The following CHST11 variants were observed in gnomAD, a reference collection of about 807,000 sequenced individuals.
The protein encoded by CHST11 is C4S-1.
CHST11 carries 9 observed loss-of-function variants against 30.4 expected under a neutral mutation model. The observed-to-expected ratio is 0.30, with a 90% CI of 0.18 to 0.52. The LOEUF (loss-of-function observed/expected upper bound fraction) is 0.52. CHST11 is among the 20% of genes least tolerant of loss of function. CHST11 has a pLI of 0.97. For synonymous variants in CHST11, 152 were observed against 187.8 expected (o/e 0.81, Z 1.56); for missense variants, 348 against 460.6 (o/e 0.76, Z 2.24).
At chr12:104,562,017 T>C (rs1462125606) in intron 1 of CHST11, among the ~76,000 whole-genome samples, 1 of 152,150 alleles carries the variant, frequency 6.6e-6, no homozygotes, top group East Asian at 1.9e-4. Context: ...TAGCTCCTAC[T>C]GCCCAGTCTC....
At chr12:104,667,642 C>CTG (rs1044994623) in intron 2 of CHST11, among the ~76,000 whole-genome samples, 2 of 152,174 alleles carry the variant, frequency 1.3e-5, no homozygotes, top group African/African-American at 4.8e-5. Flanking sequence ...ACTCTGCTTT[C>CTG]TGCTCATTTC....
chr12:104,751,826 A>C (rs1293216380), intron 2 of CHST11, among the ~76,000 whole-genome samples: 1 of 152,250 alleles, frequency 6.6e-6, no homozygotes, highest in Non-Finnish European at 1.5e-5. Context: ...GCTCTTGCCC[A>C]GGATCAAGCC....
At chr12:104,514,965 G>A (rs947156417) in intron 1 of CHST11, among the ~76,000 whole-genome samples, 1 of 152,202 alleles carries the variant, frequency 6.6e-6, no homozygotes, top group Non-Finnish European at 1.5e-5. Context: ...GGGTCGTTCT[G>A]AGGATGAATG....
rs191097852 is a variant in CHST11 at position 104,533,109 on chromosome 12, C to G, written c.119-68797C>G. Among the ~76,000 whole-genome samples, 354 of 152,276 alleles carry G rather than the reference C, an allele frequency of 2.3e-3. 3 individuals carry two copies. Among genetic ancestry groups the G allele is most frequent in the African/African-American group, 8.2e-3 (341 of 41,556 alleles). The stretch of plus-strand genomic sequence containing the variant: ...TCTTTTCTTGATGAGCTCCCAATTA[C>G]TCAAACCCCTATACCCTCAACAGAT... On this transcript the variant is annotated intron_variant, in intron 1 of 2. Transcript: ENST00000303694.
chr12:104,623,848 G>C (rs563983117), intron 2 of CHST11, among the ~76,000 whole-genome samples: 1 of 152,276 alleles, frequency 6.6e-6, no homozygotes, highest in Admixed American at 6.5e-5. Flanking sequence ...ACTTGTTTTG[G>C]GGTATGAGAA....
chr12:104,689,054 G>A (rs571682935), intron 2 of CHST11, among the ~76,000 whole-genome samples: 87 of 152,294 alleles, frequency 5.7e-4, no homozygotes, highest in African/African-American at 2.1e-3. Flanking sequence ...ACACACATTC[G>A]TGAAAGAACA....
chr12:104,532,975 T>A (rs2038200763), intron 1 of CHST11, among the ~76,000 whole-genome samples: 1 of 152,166 alleles, frequency 6.6e-6, no homozygotes, highest in Non-Finnish European at 1.5e-5. Context: ...AGGTTCTCGC[T>A]ATGTTGCCCA....
At chr12:104,597,195 C>T (rs950470781) in intron 1 of CHST11, among the ~76,000 whole-genome samples, 4 of 152,270 alleles carry the variant, frequency 2.6e-5, no homozygotes, top group South Asian at 2.1e-4. Flanking sequence ...GAAACAAACA[C>T]GAGCGGCTTG....
intron 1 of CHST11, among the ~76,000 whole-genome samples, chr12:104,574,675 C>G (rs1321864964): frequency 6.7e-6 from 1 of 150,294 alleles, no homozygotes; most frequent in East Asian, 2.0e-4. Flanking sequence ...CACTTGAACA[C>G]AGGAAGGGGA....
At chr12:104,618,582 T>C (rs1028340052) in intron 2 of CHST11, among the ~76,000 whole-genome samples, 2 of 152,212 alleles carry the variant, frequency 1.3e-5, no homozygotes, top group Non-Finnish European at 2.9e-5. Flanking sequence ...TTTAAAACTT[T>C]CCACTGTTCT....
intron 1 of CHST11, among the ~76,000 whole-genome samples, chr12:104,521,568 C>T (rs977311495): frequency 3.3e-5 from 5 of 152,186 alleles, no homozygotes; most frequent in East Asian, 1.9e-4. Flanking sequence ...GCTCTCCTGA[C>T]GCTTAGCTCA....
chr12:104,476,260 T>TATGTAATATGTACAC (rs1565955148), intron 1 of CHST11, among the ~76,000 whole-genome samples: 3 of 149,570 alleles, frequency 2.0e-5, no homozygotes, highest in Non-Finnish European at 4.4e-5. Flanking sequence ...ATATGTAATA[T>TATGTAATATGTACAC]ATGTAATATG....
At chr12:104,661,306 C>A (rs1262488727) in intron 2 of CHST11, among the ~76,000 whole-genome samples, 4 of 152,050 alleles carry the variant, frequency 2.6e-5, no homozygotes, top group African/African-American at 9.7e-5. Context: ...GCGGGTAGAT[C>A]GCTGGAGATT....
At chr12:104,599,370 G>A (rs1592786857) in intron 1 of CHST11, among the ~76,000 whole-genome samples, 3 of 152,184 alleles carry the variant, frequency 2.0e-5, no homozygotes, top group Admixed American at 6.5e-5. Context: ...GCGCGGTCCC[G>A]GAGCCATGGG....
intron 1 of CHST11, among the ~76,000 whole-genome samples, chr12:104,586,744 C>T (rs2038808363): frequency 6.6e-6 from 1 of 152,186 alleles, no homozygotes; most frequent in Non-Finnish European, 1.5e-5. Context: ...GAACATTCTT[C>T]AGCAGGCAAG....
At chr12:104,738,956 G>C (rs1445632878) in intron 2 of CHST11, among the ~76,000 whole-genome samples, 1 of 152,258 alleles carries the variant, frequency 6.6e-6, no homozygotes, top group Non-Finnish European at 1.5e-5. Context: ...GCTGCCACCA[G>C]GTTGCAGGGT....
rs570049574 is a variant in CHST11 at position 104,720,474 on chromosome 12, A to G, written c.205-36475A>G. 1.3e-4 allele frequency among the ~76,000 whole-genome samples: 20 copies of G among 152,186 alleles called. 1 individual carries two copies. The highest frequency in any genetic ancestry group is 5.2e-4 in the Admixed American group (8 of 15,280). On this transcript the variant is annotated intron_variant, in intron 2 of 2. Coordinates refer to ENST00000303694, the MANE Select transcript of CHST11 (RefSeq NM_018413.6). ...GCACGGTATTTCCTCATCCAGGAAG[A>G]CAGGACCTAGGGCTGGACGGCAGCT...
chr12:104,588,087 G>C (rs2136037230), intron 1 of CHST11, among the ~76,000 whole-genome samples: 1 of 151,128 alleles, frequency 6.6e-6, no homozygotes, highest in African/African-American at 2.4e-5. Context: ...TTTAAAAACA[G>C]TTTTATTGAA....
At chr12:104,682,822 A>T (rs1279460993) in intron 2 of CHST11, among the ~76,000 whole-genome samples, 5 of 152,232 alleles carry the variant, frequency 3.3e-5, no homozygotes, top group Non-Finnish European at 5.9e-5. Context: ...GGCAGAAAGC[A>T]CTGAGAATCA....
Sources: allele counts gnomAD v4.1 joint callset (sites outside exome capture counted in the v4.1 genomes callset), GRCh38; gene constraint gnomAD v4.1.1; transcripts MANE v1.5; gene names NCBI Gene and HGNC (gene_info 2026-07-23, HGNC 2026-07-21).